The following LGSN variants were observed in gnomAD, a reference collection of about 807,000 sequenced individuals.
LGSN encodes the protein lengsin.
A neutral mutation model predicts 19.5 loss-of-function variants in LGSN; 21 were observed. The ratio of observed to expected loss-of-function variants is 1.07; its 90% CI spans 0.76 to 1.55. The LOEUF (loss-of-function observed/expected upper bound fraction) is 1.55. Ranked by LOEUF, LGSN falls within the 40% of genes most tolerant of loss-of-function variation. The pLI, the probability that LGSN is intolerant of heterozygous loss-of-function variation, is 0.00. For missense variants in LGSN, 673 were observed against 608.5 expected (o/e 1.11, Z -1.12); for synonymous variants, 257 against 215.6 (o/e 1.19, Z -1.68).
chr6:63,555,981 G>C, the LGSN span, among the ~76,000 whole-genome samples: 2 of 151,648 alleles, frequency 1.3e-5, no homozygotes, highest in Non-Finnish European at 2.9e-5. Context: ...GTGAGCCACC[G>C]TACCTGGCCT....
the LGSN span, among the ~76,000 whole-genome samples, chr6:63,407,897 G>A: frequency 7.9e-5 from 12 of 152,118 alleles, no homozygotes; most frequent in African/African-American, 1.7e-4. Flanking sequence ...AGACTAACAG[G>A]GAGCCAAATC....
chr6:63,292,575 C>G (rs1236608650), intron 2 of LGSN, among the ~76,000 whole-genome samples: 1 of 152,188 alleles, frequency 6.6e-6, no homozygotes, highest in African/African-American at 2.4e-5. Flanking sequence ...AGAGTGAAGT[C>G]AGCCAAATGC....
the LGSN span, among the ~76,000 whole-genome samples, chr6:63,484,180 C>T: frequency 1.3e-5 from 2 of 151,752 alleles, no homozygotes; most frequent in African/African-American, 2.4e-5. Flanking sequence ...CTAATTCATG[C>T]ACCACCAATC....
chr6:63,374,293 A>C, the LGSN span, among the ~76,000 whole-genome samples: 1 of 152,200 alleles, frequency 6.6e-6, no homozygotes, highest in East Asian at 1.9e-4. Flanking sequence ...CAATTATTTC[A>C]AAACAAAATG....
chr6:63,373,476 C>A, the LGSN span, among the ~76,000 whole-genome samples: 1 of 152,092 alleles, frequency 6.6e-6, no homozygotes, highest in Admixed American at 6.6e-5. Flanking sequence ...GAAAGTATAA[C>A]CTGAATCTAA....
At chr6:63,376,754 C>T in the LGSN span, among the ~76,000 whole-genome samples, 1 of 152,132 alleles carries the variant, frequency 6.6e-6, no homozygotes, top group Non-Finnish European at 1.5e-5. Flanking sequence ...CTTTTTAAAA[C>T]TCATCTACTT....
chr6:63,452,483 T>G, the LGSN span, among the ~76,000 whole-genome samples: 2 of 152,312 alleles, frequency 1.3e-5, no homozygotes, highest in African/African-American at 4.8e-5. Context: ...ATTCAGATTT[T>G]CTGTCTCTTC....
At chr6:63,556,251 G>T in the LGSN span, among the ~76,000 whole-genome samples, 5 of 151,234 alleles carry the variant, frequency 3.3e-5, no homozygotes, top group African/African-American at 1.2e-4. Flanking sequence ...CTCTTCCTCC[G>T]AGGCTCCAGG....
chr6:63,370,711 A>T, the LGSN span, among the ~76,000 whole-genome samples: 5 of 152,202 alleles, frequency 3.3e-5, no homozygotes, highest in South Asian at 2.1e-4. Context: ...GCAGGGCCAG[A>T]TGTAAGCATT....
chr6:63,527,801 G>C, the LGSN span: 1 of 152,162 alleles, frequency 6.6e-6, no homozygotes, highest in Non-Finnish European at 1.5e-5. Context: ...CTGACAGATT[G>C]CTCTTTTTCC....
At chr6:63,373,342 T>A in the LGSN span, among the ~76,000 whole-genome samples, 1 of 152,230 alleles carries the variant, frequency 6.6e-6, no homozygotes, top group African/African-American at 2.4e-5. Context: ...GGTGACGTCA[T>A]GTTAACCCAG....
chr6:63,367,041 A>C, the LGSN span, among the ~76,000 whole-genome samples: 1 of 152,198 alleles, frequency 6.6e-6, no homozygotes, highest in African/African-American at 2.4e-5. Flanking sequence ...CAAGGACTTC[A>C]TGTCTAAAAC....
chr6:63,546,230 T>C, the LGSN span, among the ~76,000 whole-genome samples: 1 of 152,324 alleles, frequency 6.6e-6, no homozygotes, highest in East Asian at 1.9e-4. Flanking sequence ...TACTGTCCTT[T>C]GCTATGACAT....
the LGSN span, among the ~76,000 whole-genome samples, chr6:63,505,581 GAAAGAA>G: frequency 1.5e-3 from 117 of 79,798 alleles, 15 homozygotes; most frequent in South Asian, 0.018. Context: ...AAGAAAGAAA[GAAAGAA>G]AGAAAGAAAG....
chr6:63,412,722 A>AAG, the LGSN span, among the ~76,000 whole-genome samples: 69 of 38,006 alleles, frequency 1.8e-3, 2 homozygotes, highest in African/African-American at 8.3e-3. Flanking sequence ...AAGGAAGGAA[A>AAG]GAAAGAAAGA....
At chr6:63,384,907 A>G in the LGSN span, among the ~76,000 whole-genome samples, 1 of 152,360 alleles carries the variant, frequency 6.6e-6, no homozygotes, top group East Asian at 1.9e-4. Context: ...TTTGAGAGGA[A>G]CTATGGACAC....
chr6:63,488,135 C>T, the LGSN span, among the ~76,000 whole-genome samples: 5 of 152,110 alleles, frequency 3.3e-5, no homozygotes, highest in African/African-American at 9.6e-5. Context: ...ACAAGATAAA[C>T]TCACAATCAT....
In LGSN at chr6:63,280,255, A is replaced by T; in HGVS notation, c.1296T>A (p.His432Gln). The T allele has an allele frequency of 6.2e-7, 1 of 1,614,234 alleles. No homozygotes were observed. The highest frequency in any genetic ancestry group is 8.5e-7 in the Non-Finnish European group (1 of 1,180,040). The change falls in exon 4 of 4, where the codon CAT becomes CAA. Residue 432 changes from histidine (H) to glutamine (Q), a missense_variant. Physicochemically the swap from His to Gln is conservative, Grantham distance 24. Transcript: ENST00000370657. Reference sequence around the variant, plus strand: ...GACCAGCCAAGACCTCATTACTGCTATGAAGTCCATCTAAGCCGGCAGCAA... The same window carrying T: ...GACCAGCCAAGACCTCATTACTGCTTTGAAGTCCATCTAAGCCGGCAGCAA... ...ATVAAGLDGL[H>Q]SSNEVLAGPD...
intron 1 of LGSN, among the ~76,000 whole-genome samples, chr6:63,316,329 T>C (rs1206158620): frequency 6.6e-6 from 1 of 152,166 alleles, no homozygotes; most frequent in Non-Finnish European, 1.5e-5. Context: ...CTCGTTTTTA[T>C]TTCTAACAAA....
Sources: gnomAD v4.1 joint callset for allele counts (sites outside exome capture counted in the v4.1 genomes callset) on GRCh38, gnomAD v4.1.1 for gene constraint, MANE v1.5 for transcripts, NCBI Gene and HGNC (gene_info 2026-07-23, HGNC 2026-07-21) for gene names.